Variants in MACROD2 observed in about 807,000 individuals in gnomAD.
MACROD2 encodes the protein mono-ADP ribosylhydrolase 2, also known as ADP-ribose glycohydrolase MACROD2.
In MACROD2, 36 loss-of-function variants were observed where a neutral mutation model predicts 70.4. The observed-to-expected ratio is 0.51, with a 90% CI of 0.39 to 0.68. The LOEUF is 0.68. Ranked by LOEUF, MACROD2 falls within the 30% of genes least tolerant of loss-of-function variation. The pLI is 0.00. For missense variants in MACROD2, 496 were observed against 538.4 expected, an observed-to-expected ratio of 0.92 and a Z score of 0.78; for synonymous variants, 172 against 178.8, an observed-to-expected ratio of 0.96 and a Z score of 0.30.
chr20:14,014,804 G>T (rs992128787), intron 2 of MACROD2, among the ~76,000 whole-genome samples: 16 of 150,980 alleles, frequency 1.1e-4, no homozygotes, highest in Admixed American at 4.0e-4. Flanking sequence ...CTGTTTTTTT[G>T]TTTTGTTTTG....
chr20:15,137,818 C>T (rs1159969798), intron 5 of MACROD2, among the ~76,000 whole-genome samples: 1 of 151,806 alleles, frequency 6.6e-6, no homozygotes, highest in African/African-American at 2.4e-5. Flanking sequence ...TCTTTTTCTC[C>T]CCCTTTCCAG....
At chr20:15,362,490 TA>T (rs1285552521) in intron 6 of MACROD2, among the ~76,000 whole-genome samples, 1 of 152,184 alleles carries the variant, frequency 6.6e-6, no homozygotes, top group Non-Finnish European at 1.5e-5. Flanking sequence ...TTTGAGTTTT[TA>T]AAAAATATTA....
At position 16,052,935 on chromosome 20, in the gene MACROD2, G is replaced by C. The variant is rs2067476955; in HGVS notation, c.*3059G>C. The C allele has an allele frequency of 6.6e-6, 1 of 152,606 alleles. No homozygotes were observed. Among genetic ancestry groups the C allele is most frequent in the Non-Finnish European group, 1.5e-5 (1 of 67,988 alleles). 9.5% of individuals were successfully genotyped at this position (152,606 alleles called of 1,614,324 possible). ...AAATCAGAAAAAAAGTAATTTTCTT[G>C]ATCAAGATATGTTTTTACTTAATGC... On this transcript the variant is annotated 3_prime_UTR_variant, in exon 18 of 18. Coordinates refer to ENST00000684519, the MANE Select transcript of MACROD2 (RefSeq NM_001351661.2).
At chr20:15,855,968 A>C (rs2064352273) in intron 8 of MACROD2, among the ~76,000 whole-genome samples, 1 of 152,138 alleles carries the variant, frequency 6.6e-6, no homozygotes, top group Admixed American at 6.6e-5. Context: ...AGATATTGCA[A>C]ATAGTGCTGC....
At chr20:14,993,525 T>G (rs1418998084) in intron 5 of MACROD2, among the ~76,000 whole-genome samples, 1 of 151,866 alleles carries the variant, frequency 6.6e-6, no homozygotes, top group African/African-American at 2.4e-5. Context: ...GTCATCCATC[T>G]AAGTTAGAGA....
At position 15,194,427 on chromosome 20, in the gene MACROD2, G is replaced by A. The variant is rs576198076; in HGVS notation, c.419-35513G>A. Among the ~76,000 whole-genome samples the A allele has an allele frequency of 3.3e-5, 5 of 152,032 alleles. No individual in the cohort carries two copies. In the South Asian group the frequency reaches 1.0e-3, roughly 32 times the overall value. ...GCTTTAACTGATTCTTATTTGTGTA[G>A]CATTATTTTTAATCTTCTACTTTGA... On this transcript the variant is annotated intron_variant, in intron 5 of 17. Coordinates refer to ENST00000684519, the MANE Select transcript of MACROD2 (RefSeq NM_001351661.2).
chr20:15,431,517 T>C, intron 7 of MACROD2, 82 bp downstream of exon 7: 1 of 1,282,464 alleles, frequency 7.8e-7, no homozygotes, highest in Admixed American at 1.7e-5. Flanking sequence ...AATAAGAGGT[T>C]CTCTGATGAA....
At chr20:14,957,719 G>A (rs1024708942) in intron 5 of MACROD2, among the ~76,000 whole-genome samples, 1 of 152,106 alleles carries the variant, frequency 6.6e-6, no homozygotes, top group Admixed American at 6.6e-5. Context: ...GACAGAACCA[G>A]TGTGTAGCAC....
intron 3 of MACROD2, among the ~76,000 whole-genome samples, chr20:14,404,239 G>A (rs1035001780): frequency 1.3e-4 from 20 of 152,088 alleles, no homozygotes; most frequent in African/African-American, 4.8e-4. Flanking sequence ...GATAATAAGA[G>A]AATAGGGTAG....
At chr20:14,554,264 G>A (rs1978870296) in intron 4 of MACROD2, 1 of 152,100 alleles carries the variant, frequency 6.6e-6, no homozygotes, top group South Asian at 2.1e-4. Context: ...CGTTAAATGA[G>A]GTCAATAATG....
intron 5 of MACROD2, among the ~76,000 whole-genome samples, chr20:14,940,066 A>T (rs891016625): frequency 8.6e-5 from 13 of 150,668 alleles, no homozygotes; most frequent in Non-Finnish European, 1.9e-4. Context: ...CCTAAATCAA[A>T]AACCTAAACC....
intron 8 of MACROD2, among the ~76,000 whole-genome samples, chr20:15,606,367 T>C (rs951174323): frequency 3.3e-5 from 5 of 152,188 alleles, no homozygotes; most frequent in African/African-American, 1.2e-4. Flanking sequence ...CCTGGCTTGC[T>C]TCTGCCTCCA....
At chr20:14,405,322 T>C (rs942075338) in intron 3 of MACROD2, among the ~76,000 whole-genome samples, 5 of 152,204 alleles carry the variant, frequency 3.3e-5, no homozygotes, top group Non-Finnish European at 7.3e-5. Context: ...GCTATGAGAC[T>C]TTAAATATGT....
At chr20:14,970,610 AATTT>A (rs1400282992) in intron 5 of MACROD2, among the ~76,000 whole-genome samples, 2 of 152,094 alleles carry the variant, frequency 1.3e-5, no homozygotes, top group East Asian at 1.9e-4. Flanking sequence ...TTTTTAATGC[AATTT>A]ATTTATTTGA....
At chr20:14,786,114 A>G (rs1486859044) in intron 5 of MACROD2, among the ~76,000 whole-genome samples, 2 of 151,928 alleles carry the variant, frequency 1.3e-5, no homozygotes, top group African/African-American at 4.8e-5. Flanking sequence ...GGGTTGCAAA[A>G]GAGTAGTGAC....
At chr20:14,938,513 G>T (rs1467309256) in intron 5 of MACROD2, among the ~76,000 whole-genome samples, 5 of 152,104 alleles carry the variant, frequency 3.3e-5, no homozygotes, top group Non-Finnish European at 7.4e-5. Flanking sequence ...GGGCACAGTG[G>T]CTCACACCTG....
At chr20:15,697,787 G>A (rs907063417) in intron 8 of MACROD2, among the ~76,000 whole-genome samples, 1 of 152,142 alleles carries the variant, frequency 6.6e-6, no homozygotes, top group Non-Finnish European at 1.5e-5. Flanking sequence ...TGTTAGACAA[G>A]GCCTTTTGCC....
At chr20:14,975,562 G>A (rs942787218) in intron 5 of MACROD2, among the ~76,000 whole-genome samples, 1 of 152,056 alleles carries the variant, frequency 6.6e-6, no homozygotes, top group African/African-American at 2.4e-5. Flanking sequence ...GATGAGGGGA[G>A]GAAAGCAGTG....
chr20:15,912,398 G>A (rs1264569737), intron 10 of MACROD2, among the ~76,000 whole-genome samples: 4 of 152,222 alleles, frequency 2.6e-5, no homozygotes, highest in Non-Finnish European at 5.9e-5. Flanking sequence ...GTGCCTTGCA[G>A]TGTTGTTTTG....
Sources: gnomAD v4.1 joint callset for allele counts (sites outside exome capture counted in the v4.1 genomes callset) on GRCh38, gnomAD v4.1.1 for gene constraint, MANE v1.5 for transcripts, NCBI Gene and HGNC (gene_info 2026-07-23, HGNC 2026-07-21) for gene names.